The following RHOT1 variants were observed in gnomAD, a reference collection of about 807,000 sequenced individuals.
RHOT1 encodes the protein mitochondrial Rho GTPase 1.
Under a neutral mutation model 95.3 loss-of-function variants are expected in RHOT1, and 27 were observed. That is an observed-to-expected ratio of 0.28 (90% confidence interval 0.21 to 0.39). The LOEUF (loss-of-function observed/expected upper bound fraction) is 0.39, where lower values mean the gene tolerates loss of function less well. RHOT1 is among the 10% of genes least tolerant of loss of function. The pLI, the probability that RHOT1 is intolerant of heterozygous loss-of-function variation, is 1.00. For synonymous variants in RHOT1, 227 were observed against 263.5 expected, an observed-to-expected ratio of 0.86 and a Z score of 1.34; for missense variants, 578 against 786.7, an observed-to-expected ratio of 0.73 and a Z score of 3.17.
chr17:32,151,633 A>G, intron 1 of RHOT1: 1 of 237,384 alleles, frequency 4.2e-6, no homozygotes, highest in Non-Finnish European at 8.5e-6. Flanking sequence ...CTGTAATTCC[A>G]GCACTTTGGG....
Position 32,192,266 on chromosome 17 carries a change from T to A in RHOT1, c.606T>A (p.Gly202=), listed in dbSNP as rs1292830429. ...IFKISDQDND[G]TLNDAELNFF... is the part of the protein sequence containing the mutation. ...AAATATCTGATCAAGATAATGATGG[T>A]ACTCTCAATGATGCTGAACTCAACT... The change falls in exon 9 of 20, where the codon GGT becomes GGA. Residue 202 remains glycine (G), a synonymous_variant. Coordinates refer to ENST00000545287, the MANE Select transcript of RHOT1 (RefSeq NM_001033566.3). The A allele has an allele frequency of 1.9e-6, 3 of 1,586,986 alleles. No individual in the cohort carries two copies. Among genetic ancestry groups the A allele is most frequent in the Non-Finnish European group, 2.6e-6 (3 of 1,164,848 alleles).
At chr17:32,192,999 G>A (rs1328681491) in intron 9 of RHOT1, 137 bp from the exon 10 acceptor site, 8 of 594,700 alleles carry the variant, frequency 1.3e-5, no homozygotes, top group Non-Finnish European at 2.4e-5. Flanking sequence ...TAAAAAAGTG[G>A]TGACTATTCC....
rs757135388 is a variant in RHOT1, at chr17:32,173,825, A to C, written c.97-6A>C. 1 of 1,593,234 alleles carries C rather than the reference A, an allele frequency of 6.3e-7. No homozygotes were observed. Among genetic ancestry groups the C allele is most frequent in the Non-Finnish European group, 8.5e-7 (1 of 1,169,982 alleles). ...TTTTTTTTTCTATATTTGTTTGTAAATGAAGGTTCCTCCCCGGGCAGAAGA... is the reference window on the plus strand; with the variant it reads ...TTTTTTTTTCTATATTTGTTTGTAACTGAAGGTTCCTCCCCGGGCAGAAGA... On this transcript the variant is annotated splice_polypyrimidine_tract_variant and splice_region_variant and intron_variant, in intron 2 of 19. Transcript: ENST00000545287.
rs1001575898 is a variant in RHOT1, at chr17:32,222,805, G to A, written c.1863-1811G>A. ...GTGGGGTGCCATGCTGTTAGCAGAC[G>A]ATGAGGGCAGTATTACTCACCAGGT... On this transcript the variant is annotated intron_variant, in intron 19 of 19. Coordinates refer to ENST00000545287, the MANE Select transcript of RHOT1 (RefSeq NM_001033566.3). 13 of 976,302 alleles carry A rather than the reference G, an allele frequency of 1.3e-5. No individual in the cohort carries two copies. In the African/African-American group the frequency reaches 1.9e-4, roughly 14 times the overall value. The allele number at this position is 976,302 out of a possible 1,614,324, so 60.5% of individuals were successfully genotyped here.
chr17:32,210,295 C>A (rs565291942), intron 18 of RHOT1, among the ~76,000 whole-genome samples: 2 of 152,092 alleles, frequency 1.3e-5, no homozygotes, highest in Non-Finnish European at 2.9e-5. Flanking sequence ...CATTGGAGAC[C>A]CCCTACTTTG....
chr17:32,168,582 T>C (rs112319771), intron 1 of RHOT1, among the ~76,000 whole-genome samples: 162 of 150,290 alleles, frequency 1.1e-3, no homozygotes, highest in African/African-American at 3.6e-3. Flanking sequence ...CATATATATA[T>C]ACACACACAC....
intron 2 of RHOT1, 125 bp from the exon 3 acceptor site, chr17:32,173,706 C>T: frequency 1.5e-6 from 1 of 678,280 alleles, no homozygotes; most frequent in Non-Finnish European, 2.5e-6. Context: ...GAGTGAGACT[C>T]CATTAAAAAA....
At chr17:32,217,049 G>A (rs543592632) in intron 19 of RHOT1, among the ~76,000 whole-genome samples, 1 of 152,166 alleles carries the variant, frequency 6.6e-6, no homozygotes, top group African/African-American at 2.4e-5. Flanking sequence ...TTGTCATTTG[G>A]TTAATATATT....
At chr17:32,188,035 T>C (rs2036188220) in intron 8 of RHOT1, among the ~76,000 whole-genome samples, 1 of 152,252 alleles carries the variant, frequency 6.6e-6, no homozygotes, top group South Asian at 2.1e-4. Context: ...AGGCAAAGTT[T>C]AATAGTTTCA....
At chr17:32,157,316 A>G (rs2033065740) in intron 1 of RHOT1, among the ~76,000 whole-genome samples, 1 of 152,126 alleles carries the variant, frequency 6.6e-6, no homozygotes, top group Non-Finnish European at 1.5e-5. Context: ...CTGTTATTCA[A>G]CAGTAAACAA....
At chr17:32,169,197 T>A (rs1319220476) in intron 1 of RHOT1, among the ~76,000 whole-genome samples, 1 of 152,200 alleles carries the variant, frequency 6.6e-6, no homozygotes, top group Non-Finnish European at 1.5e-5. Flanking sequence ...TTTTAATCAT[T>A]TAAGAAGGGA....
intron 1 of RHOT1, among the ~76,000 whole-genome samples, chr17:32,154,255 A>G (rs1277705357): frequency 6.6e-6 from 1 of 150,890 alleles, no homozygotes; most frequent in Admixed American, 6.6e-5. Flanking sequence ...AGCCTGGACA[A>G]CATAGGGAGA....
intron 11 of RHOT1, among the ~76,000 whole-genome samples, chr17:32,197,234 T>G (rs538553724): frequency 6.6e-6 from 1 of 152,050 alleles, no homozygotes; most frequent in Admixed American, 6.5e-5. Flanking sequence ...CTCAGTACAT[T>G]TGCTTTTTTT....
chr17:32,214,038 T>A (rs141308039), intron 19 of RHOT1, among the ~76,000 whole-genome samples: 135 of 152,308 alleles, frequency 8.9e-4, no homozygotes, highest in African/African-American at 2.9e-3. Context: ...GAGGAACCAG[T>A]ATACTTTTCA....
At chr17:32,188,650 T>C (rs2036234942) in intron 8 of RHOT1, among the ~76,000 whole-genome samples, 1 of 152,228 alleles carries the variant, frequency 6.6e-6, no homozygotes, top group African/African-American at 2.4e-5. Context: ...AAAAAGAATT[T>C]CATTCTTCTC....
At chr17:32,180,465 G>T (rs965724635) in intron 6 of RHOT1, among the ~76,000 whole-genome samples, 1 of 151,600 alleles carries the variant, frequency 6.6e-6, no homozygotes. Flanking sequence ...CAGCATGCTC[G>T]TTAAGAGTCA....
intron 1 of RHOT1, among the ~76,000 whole-genome samples, chr17:32,154,363 G>A (rs1303653580): frequency 6.7e-6 from 1 of 149,200 alleles, no homozygotes; most frequent in Non-Finnish European, 1.5e-5. Context: ...GGCAGATCAC[G>A]AGGTCAGGAG....
Position 32,208,244 on chromosome 17 carries a change from T to G in RHOT1, c.1674T>G (p.Thr558=). ...AAATGCCTCCACCACAAGCCTTCAC[T>G]TGCAATACTGCTGATGCCCCCAGTA... is the stretch of plus-strand genomic sequence containing the variant. The part of the protein sequence containing the change: ...KHKMPPPQAF[T]CNTADAPSKD... Residue 558 remains threonine (T), a synonymous_variant, in exon 18 of 20, where the codon ACT becomes ACG. Coordinates refer to ENST00000545287, the MANE Select transcript of RHOT1 (RefSeq NM_001033566.3). 3 of 1,614,114 alleles carry G rather than the reference T, an allele frequency of 1.9e-6. No individual in the cohort carries two copies. The highest frequency in any genetic ancestry group is 2.5e-6 in the Non-Finnish European group (3 of 1,179,974).
intron 8 of RHOT1, among the ~76,000 whole-genome samples, chr17:32,186,357 C>T (rs970979721): frequency 2.0e-5 from 3 of 150,024 alleles, no homozygotes; most frequent in African/African-American, 7.4e-5. Flanking sequence ...ATTCAAAGTC[C>T]TTTCCCATTT....
Sources: gnomAD v4.1 joint callset for allele counts (sites outside exome capture counted in the v4.1 genomes callset) on GRCh38, gnomAD v4.1.1 for gene constraint, MANE v1.5 for transcripts, NCBI Gene and HGNC (gene_info 2026-07-23, HGNC 2026-07-21) for gene names.